A1CF: variants seen among roughly 807,000 people sequenced by gnomAD.
A1CF encodes APOBEC-1 stimulating protein.
A neutral mutation model predicts 68.9 loss-of-function variants in A1CF; 48 were observed. The observed-to-expected ratio is 0.70, with a 90% CI of 0.55 to 0.89. The LOEUF (loss-of-function observed/expected upper bound fraction) is 0.89, where lower values mean the gene tolerates loss of function less well. A1CF is among the 40% of genes least tolerant of loss of function. A1CF has a pLI of 0.00. For synonymous variants in A1CF, 272 were observed against 260.4 expected (o/e 1.04, Z -0.43); for missense variants, 653 against 718.9 (o/e 0.91, Z 1.05).
At chr10:50,833,571 T>C (rs1839348140) in intron 6 of A1CF, among the ~76,000 whole-genome samples, 1 of 152,224 alleles carries the variant, frequency 6.6e-6, no homozygotes, top group South Asian at 2.1e-4. Flanking sequence ...TGTCTCTCTG[T>C]CTCCAAGTCT....
Position 50,820,740 on chromosome 10 carries a change from A to G in A1CF, c.770-91T>C, listed in dbSNP as rs1031072047. 1.2e-5 allele frequency: 11 copies of G among 941,914 alleles called. No individual in the cohort carries two copies. The African/African-American group carries it at 1.7e-4, about 14-fold the overall frequency. The allele number at this position is 941,914 out of a possible 1,614,324, so 58.3% of individuals were successfully genotyped here. A position where few individuals can be genotyped will look rare whatever the true frequency, so the allele number is the denominator to read the frequency against. Reference sequence around the variant, plus strand: ...AGCATCTAGCTGCAAAGAGTATTTGATTTTTTTTATGGATACCTCATATTT... The same window carrying G: ...AGCATCTAGCTGCAAAGAGTATTTGGTTTTTTTTATGGATACCTCATATTT... On this transcript the variant is annotated intron_variant, in intron 7 of 12. Coordinates refer to ENST00000373997, the MANE Select transcript of A1CF (RefSeq NM_014576.4).
intron 2 of A1CF, among the ~76,000 whole-genome samples, chr10:50,863,261 A>G (rs1840828330): frequency 6.6e-6 from 1 of 152,238 alleles, no homozygotes; most frequent in African/African-American, 2.4e-5. Context: ...TAGTCTAAGG[A>G]GTGAACTCGA....
chr10:50,882,260 AC>A (rs1469967589), intron 1 of A1CF, among the ~76,000 whole-genome samples: 1 of 151,850 alleles, frequency 6.6e-6, no homozygotes, highest in Non-Finnish European at 1.5e-5. Flanking sequence ...ACATAATGAA[AC>A]CCCGTCTCTA....
At chr10:50,851,875 C>T (rs1840261337) in intron 3 of A1CF, among the ~76,000 whole-genome samples, 1 of 152,170 alleles carries the variant, frequency 6.6e-6, no homozygotes, top group Non-Finnish European at 1.5e-5. Flanking sequence ...AAATCCTATA[C>T]AAATTCATGA....
chr10:50,850,797 C>G, intron 3 of A1CF: 16 of 1,609,594 alleles, frequency 9.9e-6, no homozygotes, highest in Non-Finnish European at 1.4e-5. Context: ...TCTATAGGAA[C>G]CTCTAAATTC....
chr10:50,854,057 GT>G (rs1427412951), intron 3 of A1CF, among the ~76,000 whole-genome samples: 1 of 151,740 alleles, frequency 6.6e-6, no homozygotes, highest in East Asian at 1.9e-4. Context: ...TAATAATAAA[GT>G]TTTTTTCCAT....
chr10:50,836,521 G>A (rs150801049), intron 5 of A1CF, among the ~76,000 whole-genome samples: 2 of 152,258 alleles, frequency 1.3e-5, no homozygotes, highest in African/African-American at 2.4e-5. Flanking sequence ...GTTATCTGAA[G>A]CTGAGTAGCA....
intron 3 of A1CF, among the ~76,000 whole-genome samples, chr10:50,846,325 T>TA (rs1006498706): frequency 1.4e-4 from 22 of 152,300 alleles, no homozygotes; most frequent in African/African-American, 4.6e-4. Context: ...ATTCTAAAAT[T>TA]AAAAACGTCT....
intron 10 of A1CF, 55 bp from the exon 11 acceptor site, chr10:50,811,231 C>A: frequency 6.5e-7 from 1 of 1,540,756 alleles, no homozygotes; most frequent in Non-Finnish European, 8.8e-7. Flanking sequence ...ACATTATTTC[C>A]CAAGTTTTCA....
intron 3 of A1CF, among the ~76,000 whole-genome samples, chr10:50,846,682 T>C (rs533850582): frequency 3.2e-4 from 49 of 152,340 alleles, no homozygotes; most frequent in African/African-American, 1.2e-3. Context: ...TCTTGATTGC[T>C]ATAATTGCTA....
At chr10:50,845,953 CA>C (rs151246598) in intron 3 of A1CF, among the ~76,000 whole-genome samples, 1,841 of 113,192 alleles carry the variant, frequency 0.016, 30 homozygotes, top group African/African-American at 0.06. Context: ...GACTCTGTCT[CA>C]AAAAAAAAAA....
At chr10:50,810,615 C>T (rs1838059890) in intron 11 of A1CF, among the ~76,000 whole-genome samples, 1 of 152,140 alleles carries the variant, frequency 6.6e-6, no homozygotes. Flanking sequence ...ACTATGACTA[C>T]AGGCGCCTGC....
chr10:50,860,094 A>C, intron 2 of A1CF, 109 bp from the exon 3 acceptor site: 1 of 623,322 alleles, frequency 1.6e-6, no homozygotes, highest in East Asian at 2.8e-5. Flanking sequence ...GCGTCATTAA[A>C]GTTAGAGCAA....
chr10:50,861,970 A>G (rs1193677194), intron 2 of A1CF, among the ~76,000 whole-genome samples: 1 of 150,924 alleles, frequency 6.6e-6, no homozygotes, highest in Non-Finnish European at 1.5e-5. Context: ...ATACTATAGT[A>G]ATACTAATAG....
chr10:50,828,543 G>A, intron 6 of A1CF: 1 of 314,864 alleles, frequency 3.2e-6, no homozygotes, highest in East Asian at 4.9e-5. Flanking sequence ...GTGGTTTGAG[G>A]TTGAACAGAA....
At chr10:50,862,636 G>A (rs186455861) in intron 2 of A1CF, among the ~76,000 whole-genome samples, 4 of 152,278 alleles carry the variant, frequency 2.6e-5, no homozygotes, top group Admixed American at 2.0e-4. Flanking sequence ...TGCATTTTAG[G>A]GGGAATCTGC....
intron 8 of A1CF, among the ~76,000 whole-genome samples, chr10:50,818,431 C>T (rs1301751044): frequency 1.3e-5 from 2 of 151,592 alleles, no homozygotes; most frequent in Admixed American, 1.3e-4. Context: ...ATATATTTAA[C>T]TAAATAATAT....
intron 3 of A1CF, among the ~76,000 whole-genome samples, chr10:50,845,058 C>T (rs558601762): frequency 1.6e-4 from 24 of 152,150 alleles, no homozygotes; most frequent in South Asian, 8.3e-4. Context: ...ATTCATACCA[C>T]GTTTTTTAAA....
chr10:50,832,189 TAAAG>T (rs1247528512), intron 6 of A1CF, among the ~76,000 whole-genome samples: 3 of 152,168 alleles, frequency 2.0e-5, no homozygotes, highest in Non-Finnish European at 2.9e-5. Flanking sequence ...GATAAATAGA[TAAAG>T]AAAGTATCAG....
Sources: gnomAD v4.1 joint callset for allele counts (sites outside exome capture counted in the v4.1 genomes callset) on GRCh38, gnomAD v4.1.1 for gene constraint, MANE v1.5 for transcripts, NCBI Gene and HGNC (gene_info 2026-07-23, HGNC 2026-07-21) for gene names.